The following SHISA9 variants were observed in gnomAD, a reference collection of about 807,000 sequenced individuals.
The protein encoded by SHISA9 is protein shisa-9.
A neutral mutation model predicts 38.0 loss-of-function variants in SHISA9; 13 were observed. The ratio of observed to expected loss-of-function variants is 0.34; its 90% CI spans 0.22 to 0.54. The LOEUF is 0.54. Ranked by LOEUF, SHISA9 falls within the 20% of genes least tolerant of loss-of-function variation. The pLI is 0.91. For missense variants in SHISA9, 538 were observed against 575.8 expected, an observed-to-expected ratio of 0.93 and a Z score of 0.67; for synonymous variants, 275 against 242.0, an observed-to-expected ratio of 1.14 and a Z score of -1.27.
At chr16:13,175,821 G>A (rs1055546771) in intron 2 of SHISA9, among the ~76,000 whole-genome samples, 3 of 152,076 alleles carry the variant, frequency 2.0e-5, no homozygotes, top group East Asian at 1.9e-4. Context: ...ACACTTTCAC[G>A]TGCTTCCAAG....
chr16:13,543,817 G>A, the SHISA9 span, among the ~76,000 whole-genome samples: 26 of 152,164 alleles, frequency 1.7e-4, no homozygotes, highest in Admixed American at 4.6e-4. Flanking sequence ...CATCCATGGC[G>A]TCTACACCCC....
At chr16:13,555,721 A>G in the SHISA9 span, among the ~76,000 whole-genome samples, 46,722 of 151,978 alleles carry the variant, frequency 0.31, 7,894 homozygotes, top group East Asian at 0.65. Context: ...CTTTAAGGCT[A>G]CCTACTAGAC....
At chr16:12,963,420 G>C (rs560230523) in intron 2 of SHISA9, among the ~76,000 whole-genome samples, 1 of 152,320 alleles carries the variant, frequency 6.6e-6, no homozygotes, top group African/African-American at 2.4e-5. Context: ...TGACACAGAC[G>C]TAAATAACCA....
chr16:13,250,325 G>A, the SHISA9 span, among the ~76,000 whole-genome samples: 3 of 152,128 alleles, frequency 2.0e-5, no homozygotes, highest in African/African-American at 7.2e-5. Context: ...TAGCAGTCCT[G>A]AGTGGGCAGT....
At chr16:13,382,594 C>T in the SHISA9 span, among the ~76,000 whole-genome samples, 1 of 150,608 alleles carries the variant, frequency 6.6e-6, no homozygotes, top group Non-Finnish European at 1.5e-5. Context: ...CGTCTGTAAT[C>T]CCACCTGTAA....
the SHISA9 span, among the ~76,000 whole-genome samples, chr16:13,555,440 A>G: frequency 5.1e-4 from 77 of 152,346 alleles, no homozygotes; most frequent in South Asian, 2.1e-3. Flanking sequence ...ATGTGAGAAC[A>G]TTTGGTAGTT....
intron 4 of SHISA9, among the ~76,000 whole-genome samples, chr16:13,217,846 A>G (rs1446936700): frequency 6.6e-6 from 1 of 152,174 alleles, no homozygotes; most frequent in Non-Finnish European, 1.5e-5. Context: ...CCTGGCTAAC[A>G]TGGAGAAACC....
At chr16:13,483,838 T>A in the SHISA9 span, among the ~76,000 whole-genome samples, 1 of 152,176 alleles carries the variant, frequency 6.6e-6, no homozygotes, top group Admixed American at 6.5e-5. Flanking sequence ...TCTGTGTCCC[T>A]TCTCCCATAC....
chr16:13,442,547 C>T, the SHISA9 span, among the ~76,000 whole-genome samples: 3 of 152,070 alleles, frequency 2.0e-5, no homozygotes, highest in African/African-American at 4.8e-5. Context: ...TCAGGTGATC[C>T]GCCCACCTTG....
At chr16:13,128,009 G>C (rs1271818716) in intron 2 of SHISA9, among the ~76,000 whole-genome samples, 1 of 152,140 alleles carries the variant, frequency 6.6e-6, no homozygotes, top group Non-Finnish European at 1.5e-5. Context: ...GTCTGTGAAC[G>C]GGACCTTTCC....
chr16:13,229,176 A>C (rs1012041076), intron 4 of SHISA9, among the ~76,000 whole-genome samples: 2 of 152,238 alleles, frequency 1.3e-5, no homozygotes, highest in African/African-American at 4.8e-5. Flanking sequence ...AATTTGACTG[A>C]GTCCTTAATA....
chr16:13,522,144 G>C, the SHISA9 span, among the ~76,000 whole-genome samples: 1 of 152,150 alleles, frequency 6.6e-6, no homozygotes, highest in African/African-American at 2.4e-5. Flanking sequence ...CCACATAAGA[G>C]GAGATCATTG....
At chr16:12,913,060 T>TA (rs57070970) in intron 1 of SHISA9, among the ~76,000 whole-genome samples, 20 of 151,300 alleles carry the variant, frequency 1.3e-4, no homozygotes, top group African/African-American at 3.4e-4. Context: ...ATTTGTAACT[T>TA]AAAAAAAAAG....
chr16:13,306,228 A>C, the SHISA9 span, among the ~76,000 whole-genome samples: 1 of 152,204 alleles, frequency 6.6e-6, no homozygotes, highest in Non-Finnish European at 1.5e-5. Context: ...TTTGGCAACC[A>C]ATCTGCAGGA....
the SHISA9 span, among the ~76,000 whole-genome samples, chr16:13,369,838 TATTAGC>T: frequency 1.3e-5 from 2 of 151,964 alleles, no homozygotes; most frequent in Non-Finnish European, 2.9e-5. Flanking sequence ...CCCAGGTGCA[TATTAGC>T]AACACCCAGG....
chr16:13,118,921 G>A (rs2074058661), intron 2 of SHISA9, among the ~76,000 whole-genome samples: 2 of 151,834 alleles, frequency 1.3e-5, no homozygotes, highest in African/African-American at 4.8e-5. Flanking sequence ...TAGTAGAGAC[G>A]GGGTTTCTCC....
chr16:13,484,787 G>C, the SHISA9 span, among the ~76,000 whole-genome samples: 10 of 152,098 alleles, frequency 6.6e-5, no homozygotes, highest in African/African-American at 2.4e-4. Context: ...GGGAAGAGTT[G>C]CTATACACTT....
intron 2 of SHISA9, among the ~76,000 whole-genome samples, chr16:12,969,000 C>G (rs1299302790): frequency 6.6e-6 from 1 of 151,814 alleles, no homozygotes; most frequent in Non-Finnish European, 1.5e-5. Flanking sequence ...ACTAAAAATA[C>G]AAAACAATTA....
the SHISA9 span, among the ~76,000 whole-genome samples, chr16:13,272,154 C>A: frequency 6.6e-6 from 1 of 150,698 alleles, no homozygotes; most frequent in East Asian, 1.9e-4. Flanking sequence ...GGTAATGTTA[C>A]CAAAAATTAT....
Sources: allele counts gnomAD v4.1 joint callset (sites outside exome capture counted in the v4.1 genomes callset), GRCh38; gene constraint gnomAD v4.1.1; transcripts MANE v1.5; gene names NCBI Gene and HGNC (gene_info 2026-07-23, HGNC 2026-07-21).